ABTB3: variants seen among roughly 807,000 people sequenced by gnomAD.
ABTB3 encodes ankyrin repeat and BTB domain containing 3.
the ABTB3 span, among the ~76,000 whole-genome samples, chr12:107,590,408 G>A: frequency 3.9e-5 from 6 of 152,296 alleles, no homozygotes; most frequent in East Asian, 9.7e-4. Context: ...GAGTCACTGT[G>A]AGACAAGGAG....
At chr12:107,525,676 C>A in the ABTB3 span, among the ~76,000 whole-genome samples, 3 of 152,214 alleles carry the variant, frequency 2.0e-5, no homozygotes, top group East Asian at 5.8e-4. Flanking sequence ...GACAGGGGAC[C>A]ACCTCTGCAG....
At chr12:107,488,004 C>G in the ABTB3 span, among the ~76,000 whole-genome samples, 1 of 151,714 alleles carries the variant, frequency 6.6e-6, no homozygotes, top group Non-Finnish European at 1.5e-5. Context: ...GGGGTGGGCT[C>G]TCAGTGTGGG....
At chr12:107,521,263 TTGTGTGTGTG>T in the ABTB3 span, among the ~76,000 whole-genome samples, 15,946 of 142,918 alleles carry the variant, frequency 0.11, 921 homozygotes, top group African/African-American at 0.14. Context: ...TTCATATAAG[TTGTGTGTGTG>T]TGTGTGTGTG....
At chr12:107,483,970 G>A in the ABTB3 span, among the ~76,000 whole-genome samples, 251 of 152,262 alleles carry the variant, frequency 1.6e-3, 2 homozygotes, top group East Asian at 0.023. Flanking sequence ...GAGATTACAG[G>A]CAGGAGCCAT....
the ABTB3 span, among the ~76,000 whole-genome samples, chr12:107,389,005 C>CT: frequency 0.24 from 35,994 of 151,976 alleles, 4,405 homozygotes; most frequent in Admixed American, 0.29. Flanking sequence ...TGGAGTGAAC[C>CT]AACATTAAAA....
At chr12:107,349,147 A>G in the ABTB3 span, among the ~76,000 whole-genome samples, 1 of 152,170 alleles carries the variant, frequency 6.6e-6, no homozygotes, top group Non-Finnish European at 1.5e-5. Context: ...GTCAGCTTCC[A>G]TGCCTTGAGC....
chr12:107,640,460 T>A, the ABTB3 span: 2 of 1,208,272 alleles, frequency 1.7e-6, no homozygotes, highest in Non-Finnish European at 2.4e-6. Context: ...ACTTTGGCTG[T>A]TGCTATTACT....
At chr12:107,327,830 T>C in the ABTB3 span, among the ~76,000 whole-genome samples, 2 of 152,232 alleles carry the variant, frequency 1.3e-5, no homozygotes. Flanking sequence ...CTGAACATAA[T>C]GAAAGCTGCT....
At chr12:107,414,711 C>T in the ABTB3 span, among the ~76,000 whole-genome samples, 1 of 148,252 alleles carries the variant, frequency 6.7e-6, no homozygotes. Flanking sequence ...CCTTTCTTTT[C>T]TTTTCTTTTT....
chr12:107,495,491 G>C, the ABTB3 span, among the ~76,000 whole-genome samples: 2 of 152,176 alleles, frequency 1.3e-5, no homozygotes, highest in African/African-American at 4.8e-5. Context: ...CCTGGATTGG[G>C]TATGATTAGA....
chr12:107,469,888 TTC>T, the ABTB3 span, among the ~76,000 whole-genome samples: 1 of 104,222 alleles, frequency 9.6e-6, no homozygotes, highest in Non-Finnish European at 1.9e-5. Context: ...CTTTCTTTCT[TTC>T]TTTCTTTCTT....
At chr12:107,464,754 G>A in the ABTB3 span, among the ~76,000 whole-genome samples, 4 of 152,182 alleles carry the variant, frequency 2.6e-5, no homozygotes, top group Non-Finnish European at 4.4e-5. Context: ...AAGGAGATGG[G>A]TGTGTTTCGA....
the ABTB3 span, among the ~76,000 whole-genome samples, chr12:107,385,957 CA>C: frequency 6.6e-6 from 1 of 152,220 alleles, no homozygotes; most frequent in Non-Finnish European, 1.5e-5. Context: ...TGGAGTTTCA[CA>C]AAACCTGGGT....
At chr12:107,462,728 GTGA>G in the ABTB3 span, among the ~76,000 whole-genome samples, 5 of 151,598 alleles carry the variant, frequency 3.3e-5, no homozygotes, top group African/African-American at 4.9e-5. Context: ...AGTGGTGACA[GTGA>G]TGATGATGGT....
At chr12:107,440,574 C>G in the ABTB3 span, among the ~76,000 whole-genome samples, 8 of 152,206 alleles carry the variant, frequency 5.3e-5, no homozygotes, top group East Asian at 1.4e-3. Flanking sequence ...TTTGTTTGTT[C>G]ACGCGTTTTG....
the ABTB3 span, among the ~76,000 whole-genome samples, chr12:107,529,078 A>G: frequency 7.1e-6 from 1 of 139,914 alleles, no homozygotes; most frequent in Non-Finnish European, 1.5e-5. Context: ...GATGTAATGG[A>G]GGTGGTGGTG....
the ABTB3 span, among the ~76,000 whole-genome samples, chr12:107,647,293 G>A: frequency 1.9e-3 from 296 of 152,260 alleles, 1 homozygote; most frequent in African/African-American, 6.6e-3. Context: ...TCACACCACT[G>A]CACTCCAGCC....
the ABTB3 span, among the ~76,000 whole-genome samples, chr12:107,564,897 T>G: frequency 6.6e-6 from 1 of 152,208 alleles, no homozygotes; most frequent in Non-Finnish European, 1.5e-5. Context: ...CTTGTTACAC[T>G]GGGGCAAGCC....
At chr12:107,462,589 T>G in the ABTB3 span, among the ~76,000 whole-genome samples, 1 of 151,840 alleles carries the variant, frequency 6.6e-6, no homozygotes, top group African/African-American at 2.4e-5. Context: ...GCGATAGTGA[T>G]TATGGTGGTA....
Sources: gnomAD v4.1 joint callset for allele counts (sites outside exome capture counted in the v4.1 genomes callset) on GRCh38, gnomAD v4.1.1 for gene constraint, MANE v1.5 for transcripts, NCBI Gene and HGNC (gene_info 2026-07-23, HGNC 2026-07-21) for gene names.